Variants in WDPCP observed in about 807,000 individuals in gnomAD.
The protein encoded by WDPCP is WD repeat-containing and planar cell polarity effector protein fritz homolog.
In WDPCP, 71 loss-of-function variants were observed where a neutral mutation model predicts 93.1. The observed-to-expected ratio is 0.76, with a 90% CI of 0.63 to 0.93. WDPCP has a LOEUF of 0.93. Ranked by LOEUF, WDPCP falls within the 40% of genes least tolerant of loss-of-function variation. The pLI is 0.00. For synonymous variants in WDPCP, 315 were observed against 315.0 expected (o/e 1.00, Z 0.00); for missense variants, 844 against 887.4 (o/e 0.95, Z 0.62).
At chr2:63,287,593 G>A (rs1399887021) in intron 13 of WDPCP, among the ~76,000 whole-genome samples, 2 of 151,988 alleles carry the variant, frequency 1.3e-5, no homozygotes, top group Admixed American at 1.3e-4. Flanking sequence ...ATTTCATTCT[G>A]TTTTACAGTT....
At chr2:63,530,794 A>G (rs1347979149) in intron 1 of WDPCP, among the ~76,000 whole-genome samples, 1 of 152,172 alleles carries the variant, frequency 6.6e-6, no homozygotes, top group Non-Finnish European at 1.5e-5. Context: ...AAGACGGGTG[A>G]TTTCTGCATT....
At chr2:63,481,324 A>C (rs1003252747) in intron 6 of WDPCP, among the ~76,000 whole-genome samples, 9 of 152,134 alleles carry the variant, frequency 5.9e-5, no homozygotes, top group African/African-American at 2.2e-4. Flanking sequence ...ACTATGGAAA[A>C]CAGTGTGGAG....
intron 12 of WDPCP, among the ~76,000 whole-genome samples, chr2:63,323,968 G>T (rs1687326998): frequency 6.6e-6 from 1 of 152,008 alleles, no homozygotes; most frequent in Non-Finnish European, 1.5e-5. Context: ...TTTCAGATGG[G>T]AAACACTCAG....
chr2:63,576,705 C>A (rs1242387930), intron 1 of WDPCP, among the ~76,000 whole-genome samples: 4 of 152,176 alleles, frequency 2.6e-5, no homozygotes, highest in Non-Finnish European at 5.9e-5. Flanking sequence ...GTTGGCTCCT[C>A]TGGCAACCAG....
intron 1 of WDPCP, among the ~76,000 whole-genome samples, chr2:63,551,231 CAA>C (rs61266945): frequency 4.2e-4 from 64 of 151,612 alleles, no homozygotes; most frequent in Middle Eastern, 3.4e-3. Context: ...TAAATAAATA[CAA>C]AAAAAAAATC....
At chr2:63,716,723 T>C (rs1185314279) in intron 2 of WDPCP, among the ~76,000 whole-genome samples, 1 of 152,204 alleles carries the variant, frequency 6.6e-6, no homozygotes, top group Non-Finnish European at 1.5e-5. Context: ...GAGGACTTTA[T>C]TGGAAAATAA....
intron 15 of WDPCP, among the ~76,000 whole-genome samples, chr2:63,155,225 C>T (rs1425411055): frequency 1.3e-5 from 2 of 152,064 alleles, no homozygotes; most frequent in East Asian, 3.8e-4. Flanking sequence ...ATATTTCCTC[C>T]TATGCTTTCT....
chr2:63,203,169 A>T (rs1676053995), intron 14 of WDPCP, among the ~76,000 whole-genome samples: 1 of 151,962 alleles, frequency 6.6e-6, no homozygotes, highest in South Asian at 2.1e-4. Flanking sequence ...TATTAATTTT[A>T]AAAAAAATTT....
intron 1 of WDPCP, 152 bp from the exon 2 acceptor site, chr2:63,493,092 G>A: frequency 2.7e-5 from 18 of 669,178 alleles, no homozygotes; most frequent in Middle Eastern, 4.0e-4. Context: ...GTGTATCCTT[G>A]GTTAACCATC....
At chr2:63,281,796 T>C (rs1045815962) in intron 13 of WDPCP, among the ~76,000 whole-genome samples, 9 of 152,076 alleles carry the variant, frequency 5.9e-5, no homozygotes, top group African/African-American at 1.4e-4. Flanking sequence ...ATTGTAAGAA[T>C]GATACAATGG....
upstream of WDPCP, chr2:63,589,321 G>A (rs1310750342): frequency 1.3e-6 from 2 of 1,550,686 alleles, no homozygotes; most frequent in African/African-American, 1.4e-5. Context: ...CATGACGGGA[G>A]GACAAAATGC....
chr2:63,143,796 G>A (rs1671268875), intron 17 of WDPCP, among the ~76,000 whole-genome samples: 1 of 152,220 alleles, frequency 6.6e-6, no homozygotes, highest in South Asian at 2.1e-4. Context: ...TAGGGGTTCT[G>A]CTGAGAAATC....
intron 14 of WDPCP, among the ~76,000 whole-genome samples, chr2:63,258,644 T>C (rs930345570): frequency 2.6e-5 from 4 of 152,138 alleles, no homozygotes; most frequent in Non-Finnish European, 4.4e-5. Context: ...GAATAATAAA[T>C]ACTCAGGAAG....
At position 63,246,100 on chromosome 2, in the gene WDPCP, A is replaced by G. The variant is rs139099596; in HGVS notation, c.1915+13207T>C. ...TACTGCCCCAGGTGAGACAGCCCCT[A>G]TATGAATTAAGGATACCAATGACAG... On this transcript the variant is annotated intron_variant, in intron 14 of 17. Transcript: ENST00000272321. Among the ~76,000 whole-genome samples the G allele has an allele frequency of 1.9e-3, 294 of 152,270 alleles. 4 individuals carry two copies. Among genetic ancestry groups the G allele is most frequent in the Admixed American group, 0.016 (241 of 15,280 alleles).
At chr2:63,736,128 A>G (rs934889437) in intron 2 of WDPCP, among the ~76,000 whole-genome samples, 23 of 152,198 alleles carry the variant, frequency 1.5e-4, no homozygotes, top group African/African-American at 4.8e-4. Context: ...TTCTCCAGGA[A>G]AACATTGCTG....
At chr2:63,748,829 T>G (rs1669836611) in intron 2 of WDPCP, among the ~76,000 whole-genome samples, 6 of 152,114 alleles carry the variant, frequency 3.9e-5, no homozygotes, top group African/African-American at 1.4e-4. Flanking sequence ...ACTTAGAGTT[T>G]CATTTCTTTG....
Position 63,418,949 on chromosome 2 carries a change from C to T in WDPCP, c.826-14292G>A, listed in dbSNP as rs1458059471. On this transcript the variant is annotated intron_variant, in intron 9 of 17. Transcript: ENST00000272321. The stretch of plus-strand genomic sequence containing the variant: ...GACTGTTACACAAGAAACGGATGGC[C>T]AGCGTCCAGTGTTTTGTTTTTCTTG... Among the ~76,000 whole-genome samples the T allele has an allele frequency of 2.6e-5, 4 of 152,222 alleles. No homozygotes were observed. In the East Asian group the frequency reaches 7.7e-4, roughly 29 times the overall value.
rs1430644404 is a variant in WDPCP, at chr2:63,550,535, TTTTC to T, written c.75+37658_75+37661del. Among the ~76,000 whole-genome samples the T allele has an allele frequency of 6.6e-5, 10 of 152,104 alleles. No homozygotes were observed. In the East Asian group the frequency reaches 1.9e-3, roughly 29 times the overall value. The stretch of plus-strand genomic sequence containing the variant: ...GTTTACTTCCTATCTTTCTGACCAC[TTTTC>T]CTTAAGTACCATTTTTCTGTTTCTG... On this transcript the variant is annotated intron_variant, in intron 1 of 17. Transcript: ENST00000272321.
chr2:63,532,625 G>A (rs553959498), intron 1 of WDPCP, among the ~76,000 whole-genome samples: 1 of 152,268 alleles, frequency 6.6e-6, no homozygotes, highest in African/African-American at 2.4e-5. Flanking sequence ...CATAAGTGAA[G>A]GAGAAATAAA....
Sources: allele counts gnomAD v4.1 joint callset (sites outside exome capture counted in the v4.1 genomes callset), GRCh38; gene constraint gnomAD v4.1.1; transcripts MANE v1.5; gene names NCBI Gene and HGNC (gene_info 2026-07-23, HGNC 2026-07-21).